Variants in SNX29 observed in about 807,000 individuals in gnomAD.
SNX29 encodes the protein sorting nexin 29.
Under a neutral mutation model 102.1 loss-of-function variants are expected in SNX29, and 78 were observed. The ratio of observed to expected loss-of-function variants is 0.76; its 90% CI spans 0.64 to 0.92. The LOEUF is 0.92. SNX29 is among the 40% of genes least tolerant of loss of function. The pLI, the probability that SNX29 is intolerant of heterozygous loss-of-function variation, is 0.00. For synonymous variants in SNX29, 580 were observed against 414.5 expected, an observed-to-expected ratio of 1.40 and a Z score of -4.85; for missense variants, 1,280 against 1,061.7, an observed-to-expected ratio of 1.21 and a Z score of -2.86.
intron 13 of SNX29, among the ~76,000 whole-genome samples, chr16:12,156,072 A>AC (rs943549172): frequency 7.9e-5 from 12 of 152,010 alleles, no homozygotes; most frequent in Admixed American, 1.3e-4. Context: ...CGTGGCGCAC[A>AC]CCCCCCCACA....
At chr16:12,284,509 T>G (rs2079531900) in intron 15 of SNX29, among the ~76,000 whole-genome samples, 1 of 152,218 alleles carries the variant, frequency 6.6e-6, no homozygotes, top group Non-Finnish European at 1.5e-5. Context: ...TGCTTTGCCC[T>G]GGTTTTGGTT....
At chr16:12,392,012 A>G (rs1304659604) in intron 16 of SNX29, among the ~76,000 whole-genome samples, 1 of 152,214 alleles carries the variant, frequency 6.6e-6, no homozygotes, top group African/African-American at 2.4e-5. Context: ...CTTCCCTCAA[A>G]GGCACCCATG....
chr16:12,139,403 C>A (rs1474897906), intron 13 of SNX29, among the ~76,000 whole-genome samples: 1 of 152,130 alleles, frequency 6.6e-6, no homozygotes, highest in Non-Finnish European at 1.5e-5. Context: ...AGGGCAGTGG[C>A]CCGTCCTTGC....
intron 13 of SNX29, among the ~76,000 whole-genome samples, chr16:12,155,151 T>C (rs1215937816): frequency 6.6e-6 from 1 of 152,092 alleles, no homozygotes; most frequent in African/African-American, 2.4e-5. Context: ...CACCACCCCT[T>C]CCGCGCCCAG....
chr16:12,111,235 G>A (rs527384582), intron 11 of SNX29, among the ~76,000 whole-genome samples: 1 of 152,080 alleles, frequency 6.6e-6, no homozygotes, highest in Non-Finnish European at 1.5e-5. Context: ...GCACACACCT[G>A]TACCCTTCCA....
intron 20 of SNX29, among the ~76,000 whole-genome samples, chr16:12,542,819 C>G (rs184618701): frequency 4.6e-5 from 7 of 151,864 alleles, no homozygotes; most frequent in African/African-American, 7.2e-5. Context: ...GTTAAAGCAT[C>G]CTGTAAGGTG....
Position 12,346,969 on chromosome 16 carries a change from C to T in SNX29, c.1783-9194C>T, listed in dbSNP as rs115272517. Among the ~76,000 whole-genome samples the T allele has an allele frequency of 6.1e-3, 933 of 152,292 alleles. 7 individuals are homozygous for T. Among genetic ancestry groups the T allele is most frequent in the African/African-American group, 0.02 (847 of 41,554 alleles). On this transcript the variant is annotated intron_variant, in intron 15 of 20. Transcript: ENST00000566228. ...TGGCAGCCCCGTGGCCAAGCGATGA[C>T]GGTCACCTAAACCTCTGCTTCTCAG...
chr16:12,366,019 G>T (rs983687021), intron 16 of SNX29, among the ~76,000 whole-genome samples: 5 of 135,154 alleles, frequency 3.7e-5, no homozygotes, highest in Non-Finnish European at 6.2e-5. Context: ...TCCAGCCTGG[G>T]CGTCAGAGTG....
intron 3 of SNX29, among the ~76,000 whole-genome samples, chr16:12,020,115 GC>G (rs1449503857): frequency 6.6e-6 from 1 of 151,562 alleles, no homozygotes; most frequent in East Asian, 1.9e-4. Flanking sequence ...AAATATTTAG[GC>G]AGTTTCTAAA....
intron 8 of SNX29, among the ~76,000 whole-genome samples, chr16:12,059,431 G>T (rs570481320): frequency 6.6e-6 from 1 of 152,204 alleles, no homozygotes; most frequent in Non-Finnish European, 1.5e-5. Context: ...CAGGACAGTC[G>T]CGGGAGCGGC....
intron 11 of SNX29, among the ~76,000 whole-genome samples, chr16:12,124,551 T>C (rs1336206404): frequency 6.6e-6 from 1 of 152,208 alleles, no homozygotes; most frequent in African/African-American, 2.4e-5. Flanking sequence ...ATGGCATATA[T>C]GTTTGTTCAG....
rs369931387 is a variant in SNX29 at position 12,569,203 on chromosome 16, C to G, written c.*574C>G. ...CATTAGACACCTGGCACTGTCACAG[C>G]TCACTTTTCCAGAGGGATATTCCTG... On this transcript the variant is annotated 3_prime_UTR_variant, in exon 21 of 21. Coordinates refer to ENST00000566228, the MANE Select transcript of SNX29 (RefSeq NM_032167.5). 3.2e-5 allele frequency: 7 copies of G among 215,426 alleles called. No individual in the cohort carries two copies. Among genetic ancestry groups the G allele is most frequent in the Non-Finnish European group, 2.8e-5 (3 of 108,242 alleles). 13.3% of individuals were successfully genotyped at this position (215,426 alleles called of 1,614,324 possible).
At chr16:12,239,786 C>T (rs1396585990) in intron 14 of SNX29, among the ~76,000 whole-genome samples, 4 of 151,426 alleles carry the variant, frequency 2.6e-5, no homozygotes, top group Non-Finnish European at 4.4e-5. Context: ...TGCCACTGCA[C>T]TCCAGCATGA....
chr16:11,998,698 C>G (rs1323174121), intron 1 of SNX29, among the ~76,000 whole-genome samples: 2 of 152,150 alleles, frequency 1.3e-5, no homozygotes, highest in African/African-American at 2.4e-5. Flanking sequence ...AAATGAATGA[C>G]TTTCCCAGAA....
chr16:12,393,416 T>TGCATG (rs1567517627), intron 16 of SNX29, among the ~76,000 whole-genome samples: 2 of 96,428 alleles, frequency 2.1e-5, no homozygotes, highest in South Asian at 2.9e-4. Context: ...ATGCATGCAT[T>TGCATG]CATTCATTCA....
At chr16:12,508,161 G>A (rs1341324699) in intron 19 of SNX29, among the ~76,000 whole-genome samples, 1 of 152,210 alleles carries the variant, frequency 6.6e-6, no homozygotes, top group Non-Finnish European at 1.5e-5. Context: ...TTTGAGTGGT[G>A]CCTGGTGGGC....
intron 18 of SNX29, among the ~76,000 whole-genome samples, chr16:12,413,855 C>T (rs529537140): frequency 4.6e-5 from 7 of 151,346 alleles, no homozygotes; most frequent in Non-Finnish European, 1.0e-4. Context: ...CTAAATGAGG[C>T]GGGATGTAAA....
chr16:12,378,971 G>T (rs749106500), intron 16 of SNX29, among the ~76,000 whole-genome samples: 1 of 152,048 alleles, frequency 6.6e-6, no homozygotes, highest in Non-Finnish European at 1.5e-5. Flanking sequence ...CAGTTACTAC[G>T]GCCAGAAGGA....
intron 19 of SNX29, among the ~76,000 whole-genome samples, chr16:12,511,839 C>G (rs553377673): frequency 1.3e-5 from 2 of 152,050 alleles, no homozygotes; most frequent in South Asian, 4.2e-4. Flanking sequence ...TCGGGCTGTC[C>G]CACAGCCTCC....
Sources: allele counts gnomAD v4.1 joint callset (sites outside exome capture counted in the v4.1 genomes callset), GRCh38; gene constraint gnomAD v4.1.1; transcripts MANE v1.5; gene names NCBI Gene and HGNC (gene_info 2026-07-23, HGNC 2026-07-21).